The following SDCCAG8 variants were observed in gnomAD, a reference collection of about 807,000 sequenced individuals.
SDCCAG8 encodes SHH signaling and ciliogenesis regulator SDCCAG8.
In SDCCAG8, 74 loss-of-function variants were observed where a neutral mutation model predicts 101.8. The ratio of observed to expected loss-of-function variants is 0.73; its 90% CI spans 0.60 to 0.88. SDCCAG8 has a LOEUF of 0.88. SDCCAG8 is among the 40% of genes least tolerant of loss of function. SDCCAG8 has a pLI of 0.00. For missense variants in SDCCAG8, 787 were observed against 822.6 expected (o/e 0.96, Z 0.53); for synonymous variants, 281 against 292.9 (o/e 0.96, Z 0.41).
At chr1:243,368,611 G>A (rs1265265466) in intron 12 of SDCCAG8, among the ~76,000 whole-genome samples, 1 of 152,162 alleles carries the variant, frequency 6.6e-6, no homozygotes, top group Non-Finnish European at 1.5e-5. Context: ...ATTTAGGTGG[G>A]TTTGTAAGTC....
At chr1:243,494,659 G>A (rs1667366800) in intron 17 of SDCCAG8, among the ~76,000 whole-genome samples, 1 of 152,232 alleles carries the variant, frequency 6.6e-6, no homozygotes, top group Non-Finnish European at 1.5e-5. Context: ...TTGTCCAAGA[G>A]TGAGTACTTT....
At position 243,267,612 on chromosome 1, in the gene SDCCAG8, A is replaced by G. The variant is rs1393924736; in HGVS notation, c.68-2493A>G. 1.3e-5 allele frequency: 8 copies of G among 623,656 alleles called. No homozygotes were observed. The East Asian group carries it at 1.5e-4, about 12-fold the overall frequency. The allele number at this position is 623,656 out of a possible 1,614,324, so 38.6% of individuals were successfully genotyped here. A position where few individuals can be genotyped will look rare whatever the true frequency, so the allele number is the denominator to read the frequency against. ...AGCCAAACTCCCTCTCAAGAAAAAA[A>G]AAAAAAAAGTCCCGGTCAACTGTGG... On this transcript the variant is annotated intron_variant, in intron 1 of 17. Coordinates refer to ENST00000366541, the MANE Select transcript of SDCCAG8 (RefSeq NM_006642.5).
intron 16 of SDCCAG8, among the ~76,000 whole-genome samples, chr1:243,439,865 C>T (rs564135398): frequency 2.6e-5 from 4 of 152,268 alleles, no homozygotes; most frequent in Admixed American, 6.5e-5. Flanking sequence ...AGCCTCTCAG[C>T]GGGGCTTGGA....
At chr1:243,299,333 A>G (rs1157239146) in intron 6 of SDCCAG8, among the ~76,000 whole-genome samples, 1 of 152,080 alleles carries the variant, frequency 6.6e-6, no homozygotes, top group Non-Finnish European at 1.5e-5. Context: ...ACCTATTTGT[A>G]TCTTTTTTGA....
intron 15 of SDCCAG8, among the ~76,000 whole-genome samples, 194 bp downstream of exon 15, chr1:243,418,270 A>T (rs1007519618): frequency 2.0e-5 from 3 of 152,152 alleles, no homozygotes; most frequent in Non-Finnish European, 4.4e-5. Context: ...TTTCATGGTT[A>T]TGTGTATGTA....
intron 17 of SDCCAG8, among the ~76,000 whole-genome samples, chr1:243,491,695 G>A (rs566415905): frequency 1.3e-5 from 2 of 152,306 alleles, no homozygotes; most frequent in Non-Finnish European, 2.9e-5. Flanking sequence ...GAGCCATGAT[G>A]TGGGCGAGGC....
rs33950392 is a variant in SDCCAG8, at chr1:243,492,295, C to CTTTTTTTTTTTT, written c.2112+3168_2112+3179dup. Among the ~76,000 whole-genome samples, 8 of 63,124 alleles carry CTTTTTTTTTTTT rather than the reference C, an allele frequency of 1.3e-4. 1 individual carries two copies. Among genetic ancestry groups the CTTTTTTTTTTTT allele is most frequent in the Non-Finnish European group, 1.6e-4 (6 of 37,854 alleles). 41.4% of individuals were successfully genotyped at this position (63,124 alleles called of 152,430 possible). A position where few individuals can be genotyped will look rare whatever the true frequency, so the allele number is the denominator to read the frequency against. ...CTCAAGCTCTCGGCTCGTTTCTTGG[C>CTTTTTTTTTTTT]TTTTTTTTTTTTTTTTTTTTTTTTG... is the stretch of plus-strand genomic sequence containing the variant. On this transcript the variant is annotated intron_variant, in intron 17 of 17. Transcript: ENST00000366541.
At chr1:243,360,607 A>G (rs2076651288) in intron 12 of SDCCAG8, among the ~76,000 whole-genome samples, 1 of 152,008 alleles carries the variant, frequency 6.6e-6, no homozygotes, top group African/African-American at 2.4e-5. Context: ...GTGAATCAGG[A>G]GGTCAGGAGT....
chr1:243,299,023 T>C (rs1299725029), intron 6 of SDCCAG8, among the ~76,000 whole-genome samples: 1 of 152,236 alleles, frequency 6.6e-6, no homozygotes, highest in Non-Finnish European at 1.5e-5. Flanking sequence ...CATTTTATGA[T>C]ATTATCTAAT....
In SDCCAG8 at chr1:243,336,708, G is replaced by A. The variant is rs189178533; in HGVS notation, c.1222-4331G>A. Among the ~76,000 whole-genome samples the A allele has an allele frequency of 2.3e-3, 345 of 152,338 alleles. 6 individuals carry two copies. The East Asian group carries it at 0.047, about 21-fold the overall frequency. ...CCAACATCGGGGATTACAGTGTGAT[G>A]TGAGAGTTGGGCGGGGGCAGAAGTC... On this transcript the variant is annotated intron_variant, in intron 10 of 17. Transcript: ENST00000366541.
chr1:243,462,057 C>G (rs1051537334), intron 16 of SDCCAG8, among the ~76,000 whole-genome samples: 1 of 152,182 alleles, frequency 6.6e-6, no homozygotes, highest in Non-Finnish European at 1.5e-5. Context: ...TGGTTCTTTA[C>G]TCTAAGATTT....
At chr1:243,406,558 C>T (rs576361469) in intron 13 of SDCCAG8, among the ~76,000 whole-genome samples, 2 of 152,328 alleles carry the variant, frequency 1.3e-5, no homozygotes, top group East Asian at 3.9e-4. Context: ...GTTCCCCACA[C>T]TGCAGCCAGA....
At chr1:243,274,407 C>T (rs113493339) in intron 3 of SDCCAG8, 136 bp from the exon 4 acceptor site, 35 of 598,090 alleles carry the variant, frequency 5.9e-5, no homozygotes, top group Middle Eastern at 4.6e-4. Flanking sequence ...GTGATCGATT[C>T]TATGTTTATA....
At chr1:243,293,360 C>T (rs2070461101) in intron 6 of SDCCAG8, 141 bp downstream of exon 6, 1 of 843,826 alleles carries the variant, frequency 1.2e-6, no homozygotes, top group African/African-American at 1.7e-5. Flanking sequence ...GCATTAAGTA[C>T]ATTCATGTCA....
At chr1:243,497,127 C>A (rs1388926960) in intron 17 of SDCCAG8, among the ~76,000 whole-genome samples, 1 of 152,202 alleles carries the variant, frequency 6.6e-6, no homozygotes, top group African/African-American at 2.4e-5. Flanking sequence ...GATGACAGGA[C>A]TTCCTGGAAA....
chr1:243,411,615 C>A (rs2080181972), intron 13 of SDCCAG8, among the ~76,000 whole-genome samples: 1 of 152,172 alleles, frequency 6.6e-6, no homozygotes, highest in South Asian at 2.1e-4. Context: ...ACTTCCAAAT[C>A]CTGGCAACGC....
At chr1:243,392,144 C>T (rs1402100454) in intron 13 of SDCCAG8, among the ~76,000 whole-genome samples, 1 of 152,136 alleles carries the variant, frequency 6.6e-6, no homozygotes. Context: ...ACTCATTCAG[C>T]GTTTTGTAAA....
rs577317919 is a variant in SDCCAG8 at position 243,348,121 on chromosome 1, C to T, written c.1473+3790C>T. Among the ~76,000 whole-genome samples the T allele has an allele frequency of 3.1e-4, 47 of 149,630 alleles. No homozygotes were observed. In the East Asian group the frequency reaches 7.7e-3, roughly 24 times the overall value. On this transcript the variant is annotated intron_variant, in intron 12 of 17. Transcript: ENST00000366541. ...CGCGATCTCGGCTCACTGCAAGCTC[C>T]GCCTCCCGGGTTCATGCCATTCTCC... is the stretch of plus-strand genomic sequence containing the variant.
chr1:243,439,769 A>G (rs2082407440), intron 16 of SDCCAG8, among the ~76,000 whole-genome samples: 1 of 152,156 alleles, frequency 6.6e-6, no homozygotes, highest in Non-Finnish European at 1.5e-5. Context: ...TCACATAGCT[A>G]ATATGTGGCA....
Sources: allele counts gnomAD v4.1 joint callset (sites outside exome capture counted in the v4.1 genomes callset), GRCh38; gene constraint gnomAD v4.1.1; transcripts MANE v1.5; gene names NCBI Gene and HGNC (gene_info 2026-07-23, HGNC 2026-07-21).